Variants in ACTN2 observed in about 807,000 individuals in gnomAD.
ACTN2 encodes alpha-actinin-2.
Under a neutral mutation model 113.8 loss-of-function variants are expected in ACTN2, and 39 were observed. That is an observed-to-expected ratio of 0.34 (90% CI 0.27 to 0.45). The LOEUF (loss-of-function observed/expected upper bound fraction) is 0.45. Ranked by LOEUF, ACTN2 falls within the 20% of genes least tolerant of loss-of-function variation. The pLI is 1.00. For synonymous variants in ACTN2, 429 were observed against 444.1 expected (o/e 0.97, Z 0.43); for missense variants, 992 against 1,177.9 (o/e 0.84, Z 2.31).
chr1:236,755,706 C>T (rs1659537421), intron 17 of ACTN2, among the ~76,000 whole-genome samples: 1 of 135,302 alleles, frequency 7.4e-6, no homozygotes, highest in Non-Finnish European at 1.6e-5. Context: ...CCCGCTGCCA[C>T]TGTTAGAACC....
At chr1:236,698,015 C>T (rs1037579978) in intron 1 of ACTN2, among the ~76,000 whole-genome samples, 2 of 148,618 alleles carry the variant, frequency 1.3e-5, no homozygotes, top group Admixed American at 6.7e-5. Flanking sequence ...CTCAGGTGAT[C>T]CACCTGCCGT....
chr1:236,742,215 C>T (rs923926840), intron 10 of ACTN2, among the ~76,000 whole-genome samples: 11 of 152,032 alleles, frequency 7.2e-5, no homozygotes, highest in African/African-American at 2.4e-4. Flanking sequence ...TTTTGTTTAT[C>T]GCTTTCCGAA....
At chr1:236,689,068 A>G (rs933657416) in intron 1 of ACTN2, among the ~76,000 whole-genome samples, 2 of 152,070 alleles carry the variant, frequency 1.3e-5, no homozygotes, top group Non-Finnish European at 2.9e-5. Context: ...AGGACTTTAT[A>G]AAAGTGTAAT....
intron 3 of ACTN2, among the ~76,000 whole-genome samples, chr1:236,719,453 T>G (rs1296939059): frequency 6.6e-6 from 1 of 152,002 alleles, no homozygotes; most frequent in African/African-American, 2.4e-5. Context: ...GTAAGAAGGG[T>G]CAGGGTAAAG....
intron 1 of ACTN2, among the ~76,000 whole-genome samples, chr1:236,712,217 A>G (rs1015931587): frequency 6.6e-6 from 1 of 152,212 alleles, no homozygotes; most frequent in African/African-American, 2.4e-5. Context: ...TCACAGAAAC[A>G]GGGGTGATAG....
At position 236,697,918 on chromosome 1, in the gene ACTN2, C is replaced by T. The variant is rs1572096021; in HGVS notation, c.126+11119C>T. Among the ~76,000 whole-genome samples the T allele has an allele frequency of 2.7e-5, 4 of 148,152 alleles. No individual in the cohort carries two copies. In the South Asian group the frequency reaches 8.7e-4, roughly 32 times the overall value. On this transcript the variant is annotated intron_variant, in intron 1 of 20. Transcript: ENST00000366578. The stretch of plus-strand genomic sequence containing the variant: ...GGGATTACAGGCACCTGCCATCATG[C>T]CTGGCTAATTTTCGTATTTTTTTTT...
chr1:236,741,315 T>C (rs1659060245), intron 10 of ACTN2, among the ~76,000 whole-genome samples: 1 of 152,180 alleles, frequency 6.6e-6, no homozygotes, highest in Admixed American at 6.5e-5. Flanking sequence ...GCTGGGATTA[T>C]AGGCATGAGC....
chr1:236,722,745 G>A (rs1372687201), intron 4 of ACTN2, among the ~76,000 whole-genome samples: 9 of 152,090 alleles, frequency 5.9e-5, no homozygotes, highest in African/African-American at 1.4e-4. Context: ...TCAGTGCTTT[G>A]TGATGCAATG....
intron 1 of ACTN2, among the ~76,000 whole-genome samples, chr1:236,706,741 C>A (rs1006000816): frequency 1.3e-5 from 2 of 152,192 alleles, no homozygotes; most frequent in Admixed American, 1.3e-4. Flanking sequence ...ATAAAAGCAG[C>A]TTTTTGATAC....
At chr1:236,708,324 G>A (rs544284852) in intron 1 of ACTN2, among the ~76,000 whole-genome samples, 1 of 152,036 alleles carries the variant, frequency 6.6e-6, no homozygotes, top group Non-Finnish European at 1.5e-5. Flanking sequence ...AAAATCCTTG[G>A]GATTAACACA....
At chr1:236,759,050 C>A (rs564068565) in intron 18 of ACTN2, among the ~76,000 whole-genome samples, 2 of 152,134 alleles carry the variant, frequency 1.3e-5, no homozygotes, top group Non-Finnish European at 2.9e-5. Context: ...CAGATTTGGG[C>A]CTTTTGGAGG....
intron 4 of ACTN2, among the ~76,000 whole-genome samples, chr1:236,723,420 C>G (rs1222021291): frequency 1.3e-5 from 2 of 152,044 alleles, no homozygotes; most frequent in Non-Finnish European, 2.9e-5. Flanking sequence ...GGTTATGGGT[C>G]CAAGAAAGTA....
At chr1:236,707,333 C>T (rs1657857365) in intron 1 of ACTN2, among the ~76,000 whole-genome samples, 1 of 152,222 alleles carries the variant, frequency 6.6e-6, no homozygotes, top group Admixed American at 6.5e-5. Context: ...CACCCCTTTT[C>T]TTTCTGCAGC....
At chr1:236,709,480 T>G (rs139089935) in intron 1 of ACTN2, among the ~76,000 whole-genome samples, 1 of 151,182 alleles carries the variant, frequency 6.6e-6, no homozygotes. Flanking sequence ...GACTGCAGGC[T>G]GGACCGAGCT....
At chr1:236,733,045 C>T (rs1397277990) in intron 7 of ACTN2, among the ~76,000 whole-genome samples, 1 of 152,316 alleles carries the variant, frequency 6.6e-6, no homozygotes, top group South Asian at 2.1e-4. Context: ...TATAGTTTCT[C>T]TAAAAGTCAT....
intron 1 of ACTN2, among the ~76,000 whole-genome samples, chr1:236,703,359 T>C (rs1657731516): frequency 6.6e-6 from 1 of 151,048 alleles, no homozygotes; most frequent in African/African-American, 2.4e-5. Flanking sequence ...TAAGTCAGGC[T>C]CCTGGCTTAG....
intron 1 of ACTN2, among the ~76,000 whole-genome samples, chr1:236,696,939 G>A (rs1657523410): frequency 6.6e-6 from 1 of 151,428 alleles, no homozygotes; most frequent in Non-Finnish European, 1.5e-5. Context: ...TGGGATTACA[G>A]GCATGAGCCA....
intron 20 of ACTN2, 72 bp from the exon 21 acceptor site, chr1:236,762,389 T>G: frequency 6.3e-7 from 1 of 1,578,086 alleles, no homozygotes; most frequent in Non-Finnish European, 8.7e-7. Context: ...GCAAGAAATA[T>G]GTAAGTATTA....
At chr1:236,706,533 ACT>A (rs759362597) in intron 1 of ACTN2, among the ~76,000 whole-genome samples, 2 of 152,082 alleles carry the variant, frequency 1.3e-5, no homozygotes, top group Non-Finnish European at 2.9e-5. Context: ...GTAGAAAGAG[ACT>A]CTGAATCCTG....
Sources: allele counts gnomAD v4.1 joint callset (sites outside exome capture counted in the v4.1 genomes callset), GRCh38; gene constraint gnomAD v4.1.1; transcripts MANE v1.5; gene names NCBI Gene and HGNC (gene_info 2026-07-23, HGNC 2026-07-21).